Variants in CDH13 observed in about 807,000 individuals in gnomAD.
The protein encoded by CDH13 is cadherin-13.
A neutral mutation model predicts 63.8 loss-of-function variants in CDH13; 24 were observed. The ratio of observed to expected loss-of-function variants is 0.38; its 90% CI spans 0.27 to 0.53. The LOEUF is 0.53. CDH13 is among the 20% of genes least tolerant of loss of function. The pLI is 0.85. For missense variants in CDH13, 1,049 were observed against 903.1 expected (o/e 1.16, Z -2.07); for synonymous variants, 503 against 355.3 (o/e 1.42, Z -4.67).
At chr16:83,757,607 A>C (rs1913619214) in intron 11 of CDH13, among the ~76,000 whole-genome samples, 1 of 152,206 alleles carries the variant, frequency 6.6e-6, no homozygotes, top group Non-Finnish European at 1.5e-5. Flanking sequence ...GAAAATCAAC[A>C]AATCCAAAAG....
intron 1 of CDH13, among the ~76,000 whole-genome samples, chr16:82,754,785 T>C (rs2034550241): frequency 3.9e-5 from 6 of 152,214 alleles, no homozygotes; most frequent in African/African-American, 1.4e-4. Flanking sequence ...AGCCAACTCA[T>C]TTCATTTGCG....
chr16:82,872,433 G>A (rs761648193), intron 2 of CDH13, among the ~76,000 whole-genome samples: 2 of 152,130 alleles, frequency 1.3e-5, no homozygotes, highest in Non-Finnish European at 2.9e-5. Flanking sequence ...AGGAACATAC[G>A]GATGTTACAG....
chr16:82,648,205 C>G lies in CDH13; in HGVS notation c.45+21068C>G, dbSNP rs567376304. ...AATGGACTAATACAGTATCCAAAGG[C>G]ATAAAAATAGTCATGCACTTTGGGG... On this transcript the variant is annotated intron_variant, in intron 1 of 13. Coordinates refer to ENST00000567109, the MANE Select transcript of CDH13 (RefSeq NM_001257.5). 7.9e-5 allele frequency among the ~76,000 whole-genome samples: 12 copies of G among 152,180 alleles called. No individual in the cohort carries two copies. The South Asian group carries it at 1.0e-3, about 13-fold the overall frequency.
At chr16:83,602,133 AAAAAAAAAAACC>A (rs1907896067) in intron 7 of CDH13, among the ~76,000 whole-genome samples, 6 of 96,292 alleles carry the variant, frequency 6.2e-5, no homozygotes, top group African/African-American at 3.1e-4. Flanking sequence ...AAAAAAAAAA[AAAAAAAAAAACC>A]CAAAGGACAA....
chr16:82,813,697 G>C (rs1054204058), intron 1 of CDH13, among the ~76,000 whole-genome samples: 6 of 152,136 alleles, frequency 3.9e-5, no homozygotes, highest in African/African-American at 7.2e-5. Flanking sequence ...GTGAGGCCCA[G>C]GCTTTTAAAG....
At chr16:83,487,444 C>T (rs1567706406) in intron 7 of CDH13, among the ~76,000 whole-genome samples, 1 of 152,164 alleles carries the variant, frequency 6.6e-6, no homozygotes, top group Non-Finnish European at 1.5e-5. Flanking sequence ...CTGCTGTCCC[C>T]TTTAGATGGG....
intron 1 of CDH13, among the ~76,000 whole-genome samples, chr16:82,649,294 GGAAGGATGAATGCATAGAT>G (rs1174703705): frequency 6.6e-6 from 1 of 152,164 alleles, no homozygotes; most frequent in African/African-American, 2.4e-5. Flanking sequence ...GATGATGGAT[GGAAGGATGAATGCATAGAT>G]GGAGGATGGA....
chr16:82,672,484 T>C (rs1237784416), intron 1 of CDH13, among the ~76,000 whole-genome samples: 5 of 152,148 alleles, frequency 3.3e-5, no homozygotes, highest in South Asian at 2.1e-4. Flanking sequence ...ATTTCTATCA[T>C]TGATATTAAT....
At chr16:82,736,325 G>A (rs1239758185) in intron 1 of CDH13, among the ~76,000 whole-genome samples, 1 of 152,136 alleles carries the variant, frequency 6.6e-6, no homozygotes, top group Non-Finnish European at 1.5e-5. Context: ...CAAAGACAAA[G>A]CGGAGTTGTT....
chr16:83,223,869 A>T (rs2039771647), intron 5 of CDH13, among the ~76,000 whole-genome samples: 1 of 152,156 alleles, frequency 6.6e-6, no homozygotes, highest in Non-Finnish European at 1.5e-5. Context: ...TTTGGGGAAC[A>T]GGTGGCGTTT....
At chr16:83,399,120 A>C (rs1265783886) in intron 6 of CDH13, among the ~76,000 whole-genome samples, 1 of 152,214 alleles carries the variant, frequency 6.6e-6, no homozygotes, top group African/African-American at 2.4e-5. Flanking sequence ...GGCATGTTTC[A>C]ATAGATGGTT....
intron 3 of CDH13, among the ~76,000 whole-genome samples, chr16:83,036,733 G>C (rs1040087820): frequency 1.1e-4 from 16 of 152,066 alleles, no homozygotes; most frequent in Non-Finnish European, 2.4e-4. Context: ...CTTCTTCCCA[G>C]CCCTTTGGTT....
intron 3 of CDH13, among the ~76,000 whole-genome samples, chr16:83,041,640 C>G (rs1405790542): frequency 6.6e-6 from 1 of 152,110 alleles, no homozygotes; most frequent in Non-Finnish European, 1.5e-5. Flanking sequence ...CCCCCTGTTT[C>G]TACACACATA....
chr16:82,967,542 C>G (rs1388978290), intron 2 of CDH13, among the ~76,000 whole-genome samples: 1 of 152,200 alleles, frequency 6.6e-6, no homozygotes, highest in East Asian at 1.9e-4. Context: ...CCCATTTCCC[C>G]TTGGCGTGGG....
intron 6 of CDH13, among the ~76,000 whole-genome samples, chr16:83,412,047 G>T (rs990800130): frequency 6.6e-6 from 1 of 152,190 alleles, no homozygotes; most frequent in African/African-American, 2.4e-5. Context: ...GCACAGGGAG[G>T]CAAGGAGAGC....
chr16:82,995,385 T>G (rs1912091280), intron 2 of CDH13, among the ~76,000 whole-genome samples: 1 of 152,208 alleles, frequency 6.6e-6, no homozygotes, highest in Non-Finnish European at 1.5e-5. Flanking sequence ...TGTTAGCACA[T>G]TAATCCATGC....
chr16:83,293,204 A>C (rs560337899), intron 5 of CDH13, among the ~76,000 whole-genome samples: 13 of 152,310 alleles, frequency 8.5e-5, no homozygotes, highest in Non-Finnish European at 1.5e-4. Context: ...ATAAGGGCCA[A>C]ATCCTATGAT....
At chr16:82,650,835 G>C (rs1397637981) in intron 1 of CDH13, among the ~76,000 whole-genome samples, 1 of 152,202 alleles carries the variant, frequency 6.6e-6, no homozygotes, top group Non-Finnish European at 1.5e-5. Flanking sequence ...GGCAGCATAG[G>C]TATCCTCTAA....
intron 1 of CDH13, among the ~76,000 whole-genome samples, chr16:82,718,952 C>T (rs553571836): frequency 3.9e-5 from 6 of 152,210 alleles, no homozygotes; most frequent in Non-Finnish European, 8.8e-5. Context: ...CCATTTGGTG[C>T]GTGTTGGATG....
Sources: allele counts gnomAD v4.1 joint callset (sites outside exome capture counted in the v4.1 genomes callset), GRCh38; gene constraint gnomAD v4.1.1; transcripts MANE v1.5; gene names NCBI Gene and HGNC (gene_info 2026-07-23, HGNC 2026-07-21).